The following POLR2D variants were observed in gnomAD, a reference collection of about 807,000 sequenced individuals.
POLR2D encodes RNA polymerase II subunit D.
POLR2D carries 10 observed loss-of-function variants against 17.6 expected under a neutral mutation model. The observed-to-expected ratio is 0.57, with a 90% CI of 0.35 to 0.96. The LOEUF (loss-of-function observed/expected upper bound fraction) is 0.96, where lower values mean the gene tolerates loss of function less well. Ranked by LOEUF, POLR2D falls within the 40% of genes least tolerant of loss-of-function variation. The pLI, the probability that POLR2D is intolerant of heterozygous loss-of-function variation, is 0.02. For synonymous variants in POLR2D, 52 were observed against 60.2 expected (o/e 0.86, Z 0.63); for missense variants, 126 against 176.4 (o/e 0.71, Z 1.62).
At chr2:127,849,138 G>C (rs72848841) in intron 3 of POLR2D, among the ~76,000 whole-genome samples, 12,760 of 151,802 alleles carry the variant, frequency 0.084, 618 homozygotes, top group Middle Eastern at 0.22. Context: ...ATCACCTCTC[G>C]GGTTCCAGTG....
rs1690159685 is a variant in POLR2D at position 127,846,635 on chromosome 2, C to T, written c.*1472G>A. 6.6e-6 allele frequency: 1 copy of T among 151,432 alleles called. No homozygotes were observed. Among genetic ancestry groups the T allele is most frequent in the Admixed American group, 6.6e-5 (1 of 15,200 alleles). 9.4% of individuals were successfully genotyped at this position (151,432 alleles called of 1,614,324 possible). The stretch of plus-strand genomic sequence containing the variant: ...AAGTGTTCAGAACTTCAAGCCTGGC[C>T]TATGAAGTAAAAAAAAAAAAAAATT... On this transcript the variant is annotated 3_prime_UTR_variant, in exon 4 of 4. Transcript: ENST00000272645.
rs768053742 is a variant in POLR2D, at chr2:127,858,075, C to T, written c.26G>A (p.Arg9Gln). Residue 9 changes from arginine to glutamine, a missense_variant, in exon 1 of 4, where the codon CGG becomes CAG. This residue lies in a region of POLR2D where 41 missense variants were observed against 24.9 expected (regional missense o/e 1.64). Coordinates refer to ENST00000272645, the MANE Select transcript of POLR2D (RefSeq NM_004805.4). Reference sequence around the variant, plus strand: ...GGCGTCCTCCTCTACGTCGCCAGCCCGCGGATCGCTGCCACCCGCCGCCAT... The same window carrying T: ...GGCGTCCTCCTCTACGTCGCCAGCCTGCGGATCGCTGCCACCCGCCGCCAT... MAAGGSDPRAGDVEEDASQ... is the reference protein window; with the variant it reads MAAGGSDPQAGDVEEDASQ... The T allele has an allele frequency of 6.5e-7, 1 of 1,542,156 alleles. No individual in the cohort carries two copies. Among genetic ancestry groups the T allele is most frequent in the Non-Finnish European group, 8.7e-7 (1 of 1,147,700 alleles).
rs1690124072 is a variant in POLR2D at position 127,844,777 on chromosome 2, C to T, written c.*3330G>A. On this transcript the variant is annotated 3_prime_UTR_variant, in exon 4 of 4. Transcript: ENST00000272645. Reference sequence around the variant, plus strand: ...CAAGCAATTCTCCTGTCTCAGCTTCCCAAGTAGCTAGGATTACAGGTGCCC... The same window carrying T: ...CAAGCAATTCTCCTGTCTCAGCTTCTCAAGTAGCTAGGATTACAGGTGCCC... 6.6e-6 allele frequency: 1 copy of T among 152,154 alleles called. No individual in the cohort carries two copies. The highest frequency in any genetic ancestry group is 2.4e-5 in the African/African-American group (1 of 41,410). The allele number at this position is 152,154 out of a possible 1,614,324, so 9.4% of individuals were successfully genotyped here.
rs896517981 is a variant in POLR2D at position 127,844,268 on chromosome 2, T to G, written c.*3839A>C. On this transcript the variant is annotated 3_prime_UTR_variant, in exon 4 of 4. Transcript: ENST00000272645. ...CACCTGGATCTTGCATTTGCCAGCCTCCAAAACTGTGAGAAATAAATTCCT... is the reference window on the plus strand; with the variant it reads ...CACCTGGATCTTGCATTTGCCAGCCGCCAAAACTGTGAGAAATAAATTCCT... 5 of 152,162 alleles carry G rather than the reference T, an allele frequency of 3.3e-5. No individual in the cohort carries two copies. The highest frequency in any genetic ancestry group is 2.9e-5 in the Non-Finnish European group (2 of 68,046). The allele number at this position is 152,162 out of a possible 1,614,324, so 9.4% of individuals were successfully genotyped here. A position where few individuals can be genotyped will look rare whatever the true frequency, so the allele number is the denominator to read the frequency against.
At chr2:127,855,293 C>T (rs1322493122) in intron 1 of POLR2D, among the ~76,000 whole-genome samples, 3 of 149,044 alleles carry the variant, frequency 2.0e-5, no homozygotes, top group South Asian at 2.1e-4. Flanking sequence ...CTCAGGAGGC[C>T]GAGGCAGGAG....
chr2:127,849,865 G>C (rs1690221895), intron 3 of POLR2D, among the ~76,000 whole-genome samples: 1 of 152,104 alleles, frequency 6.6e-6, no homozygotes, highest in African/African-American at 2.4e-5. Flanking sequence ...GGCCAACACG[G>C]TGAAACCCCA....
chr2:127,850,673 C>A lies in POLR2D; in HGVS notation c.267G>T (p.Gln89His). ...CCAACTCAAACTTATGAAGCTTTTT[C>A]TGGAGTAGCAAGCTAATCAAAAGGA... ...TIASVRSLLL[Q>H]KKLHKFELAC... The change falls in exon 3 of 4, where the codon CAG (glutamine) becomes CAT (histidine). Residue 89 changes from glutamine to histidine, a missense_variant. Gln to His is a conservative substitution (Grantham distance 24). Around this residue, in one of 2 missense-constraint regions of POLR2D, gnomAD observed 85 missense variants for 151.4 expected, o/e 0.56. Transcript: ENST00000272645. 6.5e-7 allele frequency: 1 copy of A among 1,535,884 alleles called. No individual in the cohort carries two copies. Among genetic ancestry groups the A allele is most frequent in the Non-Finnish European group, 8.9e-7 (1 of 1,127,078 alleles).
At chr2:127,853,285 C>T (rs1277581373) in intron 1 of POLR2D, among the ~76,000 whole-genome samples, 180 bp from the exon 2 acceptor site, 2 of 152,126 alleles carry the variant, frequency 1.3e-5, no homozygotes, top group African/African-American at 4.8e-5. Flanking sequence ...GTCTGTACTA[C>T]AGGGAAAATG....
At chr2:127,853,210 G>A (rs749232611) in intron 1 of POLR2D, 105 bp from the exon 2 acceptor site, 1 of 912,254 alleles carries the variant, frequency 1.1e-6, no homozygotes, top group Non-Finnish European at 1.7e-6. Flanking sequence ...CAGAAATCGA[G>A]GGGTTTCCTA....
intron 3 of POLR2D, 23 bp from the exon 4 acceptor site, chr2:127,848,208 G>A: frequency 6.4e-7 from 1 of 1,553,488 alleles, no homozygotes; most frequent in South Asian, 1.1e-5. Context: ...GAAAAGAAAT[G>A]AGTGATTTGG....
chr2:127,847,975 G>T lies in POLR2D; in HGVS notation c.*132C>A. ...AAACAGCAACCTAACCCCACGCCAA[G>T]CTGGGCTGTTTTCTCCAAAGGAATT... On this transcript the variant is annotated 3_prime_UTR_variant, in exon 4 of 4. Coordinates refer to ENST00000272645, the MANE Select transcript of POLR2D (RefSeq NM_004805.4). 1.4e-6 allele frequency: 1 copy of T among 728,914 alleles called. No individual in the cohort carries two copies. The highest frequency in any genetic ancestry group is 2.5e-6 in the Non-Finnish European group (1 of 399,884). 45.2% of individuals were successfully genotyped at this position (728,914 alleles called of 1,614,324 possible).
chr2:127,854,480 T>C (rs560157803), intron 1 of POLR2D, among the ~76,000 whole-genome samples: 18 of 152,316 alleles, frequency 1.2e-4, no homozygotes, highest in Admixed American at 1.3e-4. Context: ...CATTTAGATG[T>C]GCTATGGGTC....
rs1690179248 is a variant in POLR2D at position 127,847,716 on chromosome 2, A to G, written c.*391T>C. Reference sequence around the variant, plus strand: ...CTAGGTAAAACTGGTCTTTCTCTATAAAGTCTACTATCTTCTGGTCTAGTT... The same window carrying G: ...CTAGGTAAAACTGGTCTTTCTCTATGAAGTCTACTATCTTCTGGTCTAGTT... On this transcript the variant is annotated 3_prime_UTR_variant, in exon 4 of 4. Coordinates refer to ENST00000272645, the MANE Select transcript of POLR2D (RefSeq NM_004805.4). 5.1e-6 allele frequency: 1 copy of G among 196,422 alleles called. No individual in the cohort carries two copies. Among genetic ancestry groups the G allele is most frequent in the Non-Finnish European group, 1.1e-5 (1 of 95,094 alleles). The allele number at this position is 196,422 out of a possible 1,614,324, so 12.2% of individuals were successfully genotyped here.
chr2:127,853,331 C>A (rs1192140616), intron 1 of POLR2D, among the ~76,000 whole-genome samples: 3 of 152,162 alleles, frequency 2.0e-5, no homozygotes, highest in African/African-American at 7.2e-5. Context: ...ACTATTTTGT[C>A]ATCCAAGTGA....
Position 127,853,083 on chromosome 2 carries a change from A to G in POLR2D, c.96T>C (p.Leu32=). 6.2e-7 allele frequency: 1 copy of G among 1,613,586 alleles called. No homozygotes were observed. The highest frequency in any genetic ancestry group is 8.5e-7 in the Non-Finnish European group (1 of 1,179,726). ...FPKEFETAET[L]LNSEVHMLLE... Reference sequence around the variant, plus strand: ...GAAGCATATGAACTTCTGAATTTAGAAGTGTCTCAGCTGTTTCAAACTCTA... The same window carrying G: ...GAAGCATATGAACTTCTGAATTTAGGAGTGTCTCAGCTGTTTCAAACTCTA... Residue 32 remains leucine, a synonymous_variant, in exon 2 of 4, where the codon CTT becomes CTC. Transcript: ENST00000272645.
rs1401605085 is a variant in POLR2D, at chr2:127,852,943, GTCTC to G, written c.232_235del (p.Glu78ProfsTer36). The G allele has an allele frequency of 3.1e-6, 5 of 1,613,448 alleles. No homozygotes were observed. The highest frequency in any genetic ancestry group is 1.1e-5 in the South Asian group (1 of 90,948). ...CACTCACCTACGAACACTGGCAATG[GTCTC>G]TCTGTTTTTGAAACGACTGAAACGG... On this transcript the variant is annotated frameshift_variant, in exon 2 of 4. Transcript: ENST00000272645. LOFTEE classifies it high-confidence loss of function. This position sits in a 1 kb window ranked among gnomAD's most constrained non-coding sequence, Gnocchi z 4.0.
At position 127,852,034 on chromosome 2, in the gene POLR2D, C is replaced by T. The variant is rs1209649104; in HGVS notation, c.254+891G>A. On this transcript the variant is annotated intron_variant, in intron 2 of 3. Coordinates refer to ENST00000272645, the MANE Select transcript of POLR2D (RefSeq NM_004805.4). This position sits in a 1 kb window ranked among gnomAD's most constrained non-coding sequence, Gnocchi z 4.0. ...GAACTCCTGACCGCAAGAGATGTGC[C>T]CATCTTGGTCTCCCAAAGTGCTGGA... Among the ~76,000 whole-genome samples the T allele has an allele frequency of 6.6e-6, 1 of 152,106 alleles. No individual in the cohort carries two copies. The highest frequency in any genetic ancestry group is 1.5e-5 in the Non-Finnish European group (1 of 68,026).
rs41557712 is a variant in POLR2D at position 127,852,708 on chromosome 2, C to T, written c.254+217G>A. Among the ~76,000 whole-genome samples the T allele has an allele frequency of 0.082, 12,542 of 152,070 alleles. 593 individuals are homozygous for T. The highest frequency in any genetic ancestry group is 0.22 in the Middle Eastern group (66 of 294). On this transcript the variant is annotated intron_variant, in intron 2 of 3. Coordinates refer to ENST00000272645, the MANE Select transcript of POLR2D (RefSeq NM_004805.4). The surrounding 1 kb of genome is among the most constrained non-coding windows in gnomAD (Gnocchi z 4.0). Reference sequence around the variant, plus strand: ...TAATTTTTTGCATTTTTAGCAGAGACGGGTTTTTGCTATATCGACCAGGCT... The same window carrying T: ...TAATTTTTTGCATTTTTAGCAGAGATGGGTTTTTGCTATATCGACCAGGCT...
intron 3 of POLR2D, among the ~76,000 whole-genome samples, chr2:127,848,901 C>G (rs1402760112): frequency 6.6e-6 from 1 of 152,016 alleles, no homozygotes; most frequent in Non-Finnish European, 1.5e-5. Flanking sequence ...CTCAGGTGAT[C>G]CTCCTGTCTC....
Sources: gnomAD v4.1 joint callset for allele counts (sites outside exome capture counted in the v4.1 genomes callset) on GRCh38, gnomAD v4.1.1 for gene constraint, gnomAD v4.1.1 regional missense constraint, Gnocchi (gnomAD v3.1) non-coding constraint, MANE v1.5 for transcripts, NCBI Gene and HGNC (gene_info 2026-07-23, HGNC 2026-07-21) for gene names.